Variants in COQ8B observed in about 807,000 individuals in gnomAD.
COQ8B encodes atypical kinase COQ8B, mitochondrial.
Under a neutral mutation model 62.0 loss-of-function variants are expected in COQ8B, and 44 were observed. That is an observed-to-expected ratio of 0.71 (90% CI 0.56 to 0.91). The LOEUF (loss-of-function observed/expected upper bound fraction) is 0.91. Among genes scored for constraint, COQ8B ranks in the 40% least tolerant of loss-of-function variants. The pLI is 0.00. For synonymous variants in COQ8B, 252 were observed against 289.9 expected, an observed-to-expected ratio of 0.87 and a Z score of 1.33; for missense variants, 649 against 731.6, an observed-to-expected ratio of 0.89 and a Z score of 1.30.
intron 14 of COQ8B, 55 bp downstream of exon 14, chr19:40,692,896 C>T: frequency 8.6e-6 from 13 of 1,513,928 alleles, no homozygotes; most frequent in East Asian, 2.3e-5. Context: ...TAAGCAGCCC[C>T]CCACTGCACC....
chr19:40,709,353 C>A (rs915816935), intron 5 of COQ8B, among the ~76,000 whole-genome samples: 2 of 152,180 alleles, frequency 1.3e-5, no homozygotes, highest in East Asian at 3.8e-4. Flanking sequence ...GGAATATCCA[C>A]CCCCACTTGT....
intron 5 of COQ8B, 83 bp downstream of exon 5, chr19:40,709,976 C>A: frequency 7.1e-7 from 1 of 1,411,154 alleles, no homozygotes; most frequent in Non-Finnish European, 1.0e-6. Flanking sequence ...CATGAGGAAA[C>A]TGGAGCTCAG....
chr19:40,709,846 TA>T (rs956466282), intron 5 of COQ8B, among the ~76,000 whole-genome samples: 40 of 146,254 alleles, frequency 2.7e-4, no homozygotes, highest in South Asian at 4.3e-4. Flanking sequence ...CATCTCAAAT[TA>T]AAAAAAAAAA....
chr19:40,702,781 CGCGCTGTCCCTCACA>C, intron 9 of COQ8B, 88 bp from the exon 10 acceptor site: 1 of 1,241,086 alleles, frequency 8.1e-7, no homozygotes, highest in South Asian at 1.2e-5. Context: ...TCCTGTCTCC[CGCGCTGTCCCTCACA>C]GCTCCTACTC....
At chr19:40,692,879 G>C (rs1012141216) in intron 14 of COQ8B, 72 bp downstream of exon 14, 13 of 1,385,612 alleles carry the variant, frequency 9.4e-6, no homozygotes, top group Admixed American at 7.5e-5. Flanking sequence ...GAGTTCCTCA[G>C]TGGAGATAAG....
chr19:40,709,160 C>T (rs2082122143), intron 5 of COQ8B, among the ~76,000 whole-genome samples: 1 of 152,192 alleles, frequency 6.6e-6, no homozygotes, highest in African/African-American at 2.4e-5. Context: ...TACACAATCA[C>T]AGTACCATAA....
At chr19:40,714,032 G>A (rs1249430411) in intron 4 of COQ8B, 35 bp downstream of exon 4, 1 of 1,609,184 alleles carries the variant, frequency 6.2e-7, no homozygotes, top group African/African-American at 1.3e-5. Context: ...CTTTCTAATT[G>A]AGGTCACACC....
intron 4 of COQ8B, among the ~76,000 whole-genome samples, chr19:40,713,655 G>T (rs1373240450): frequency 6.6e-6 from 1 of 151,624 alleles, no homozygotes; most frequent in African/African-American, 2.4e-5. Flanking sequence ...GGCAGAGGTT[G>T]CAATGAGCCA....
chr19:40,702,135 C>T (rs1449444984), intron 10 of COQ8B, among the ~76,000 whole-genome samples: 2 of 152,104 alleles, frequency 1.3e-5, no homozygotes, highest in African/African-American at 2.4e-5. Flanking sequence ...GGAGGGCAAT[C>T]GTTGGCTTGC....
In COQ8B at chr19:40,700,318, G is replaced by A. The variant is rs398122981; in HGVS notation, c.1027C>T (p.Arg343Trp). The change falls in exon 11 of 15, where the codon CGG (arginine) becomes TGG (tryptophan). Residue 343 changes from arginine to tryptophan, a missense_variant. Arg to Trp is a moderately radical substitution (Grantham distance 101, BLOSUM62 -3). Coordinates refer to ENST00000324464, the MANE Select transcript of COQ8B (RefSeq NM_024876.4). ...GCCACCAGACAGCATACCTGGTTCC[G>A]CAGGTCCTGGCTTAGGCCCTGGCAC... ...DQCQGLSQDL[R>W]NQICFQLLTL... 16 of 1,613,564 alleles carry A rather than the reference G, an allele frequency of 9.9e-6. No individual in the cohort carries two copies. The highest frequency in any genetic ancestry group is 1.1e-5 in the Non-Finnish European group (13 of 1,179,666).
chr19:40,701,945 T>A (rs1239623737), intron 10 of COQ8B, among the ~76,000 whole-genome samples: 1 of 152,226 alleles, frequency 6.6e-6, no homozygotes, highest in African/African-American at 2.4e-5. Flanking sequence ...GTAGCCATAG[T>A]TCATGCATTT....
At chr19:40,702,732 C>A (rs751938624) in intron 9 of COQ8B, 39 bp from the exon 10 acceptor site, 1 of 1,589,022 alleles carries the variant, frequency 6.3e-7, no homozygotes, top group Admixed American at 1.7e-5. Context: ...GGGCCCCGAG[C>A]GCCCACTGGT....
rs189346529 is a variant in COQ8B, at chr19:40,694,177, C to A, written c.1210-1140G>T. On this transcript the variant is annotated intron_variant, in intron 13 of 14. Coordinates refer to ENST00000324464, the MANE Select transcript of COQ8B (RefSeq NM_024876.4). Reference sequence around the variant, plus strand: ...GTTCCTGTCTCAGAGGTGGCCCCACCAGTCCCCAGACCAGACCCCTAGACA... The same window carrying A: ...GTTCCTGTCTCAGAGGTGGCCCCACAAGTCCCCAGACCAGACCCCTAGACA... 5.1e-4 allele frequency among the ~76,000 whole-genome samples: 77 copies of A among 152,264 alleles called. No homozygotes were observed. In the East Asian group the frequency reaches 0.014, roughly 27 times the overall value.
At chr19:40,694,117 G>A (rs759768594) in intron 13 of COQ8B, among the ~76,000 whole-genome samples, 2 of 152,148 alleles carry the variant, frequency 1.3e-5, no homozygotes, top group Non-Finnish European at 2.9e-5. Context: ...GGCCCCAAGG[G>A]GCCTGTGTGT....
intron 12 of COQ8B, 93 bp downstream of exon 12, chr19:40,699,974 G>A (rs2082048534): frequency 2.5e-6 from 3 of 1,194,232 alleles, no homozygotes; most frequent in Non-Finnish European, 2.5e-6. Context: ...TATTGTGGGG[G>A]TAATCAACTG....
intron 10 of COQ8B, 97 bp downstream of exon 10, chr19:40,702,503 T>TA (rs1015018652): frequency 8.8e-7 from 1 of 1,133,308 alleles, no homozygotes; most frequent in Non-Finnish European, 1.3e-6. Context: ...GAGTTTGCCC[T>TA]ACCCCACAGC....
chr19:40,702,628 G>C lies in COQ8B; in HGVS notation c.865C>G (p.Arg289Gly). Reference sequence around the variant, plus strand: ...AAATTCTGGGCACAAGCCGCCTCACGACGGTAGTCACACTCCCAAGCCAGC... The same window carrying C: ...AAATTCTGGGCACAAGCCGCCTCACCACGGTAGTCACACTCCCAAGCCAGC... ...QELAWECDYR[R>G]EAACAQNFRQ... Residue 289 changes from arginine (R) to glycine (G), a missense_variant, in exon 10 of 15, where the codon CGT becomes GGT. Physicochemically the swap from Arg to Gly is moderately radical, Grantham distance 125 (BLOSUM62 -2). Transcript: ENST00000324464. 1 of 1,612,682 alleles carries C rather than the reference G, an allele frequency of 6.2e-7. No individual in the cohort carries two copies. The highest frequency in any genetic ancestry group is 8.5e-7 in the Non-Finnish European group (1 of 1,179,984).
chr19:40,700,416 G>A lies in COQ8B; in HGVS notation c.929C>T (p.Pro310Leu). 6.2e-7 allele frequency: 1 copy of A among 1,614,038 alleles called. No individual in the cohort carries two copies. The highest frequency in any genetic ancestry group is 1.3e-5 in the African/African-American group (1 of 75,076). ...LLANDPFFRV[P>L]AVVKELCTTR... ...CGTGCACAGCTCCTTAACCACGGCT[G>A]GGACCCGGAAGAAGGGGTCATTTGC... Residue 310 changes from proline to leucine, a missense_variant, in exon 11 of 15, where the codon CCA (proline) becomes CTA (leucine). By Grantham distance (98) the Pro-to-Leu change is moderately conservative (BLOSUM62 -3). Coordinates refer to ENST00000324464, the MANE Select transcript of COQ8B (RefSeq NM_024876.4).
At chr19:40,697,940 G>A (rs997870275) in intron 12 of COQ8B, among the ~76,000 whole-genome samples, 1 of 147,320 alleles carries the variant, frequency 6.8e-6, no homozygotes, top group Admixed American at 6.9e-5. Context: ...CCAAGGCCAG[G>A]CGCAATGGCT....
Sources: allele counts gnomAD v4.1 joint callset (sites outside exome capture counted in the v4.1 genomes callset), GRCh38; gene constraint gnomAD v4.1.1; transcripts MANE v1.5; gene names NCBI Gene and HGNC (gene_info 2026-07-23, HGNC 2026-07-21).